PKNOX2: variants seen among roughly 807,000 people sequenced by gnomAD.
PKNOX2 encodes the protein homeobox protein PKNOX2.
In PKNOX2, 14 loss-of-function variants were observed where a neutral mutation model predicts 53.1. The ratio of observed to expected loss-of-function variants is 0.26; its 90% CI spans 0.17 to 0.41. PKNOX2 has a LOEUF of 0.41. PKNOX2 is among the 10% of genes least tolerant of loss of function. PKNOX2 has a pLI of 1.00. For synonymous variants in PKNOX2, 257 were observed against 242.8 expected (o/e 1.06, Z -0.54); for missense variants, 496 against 602.8 (o/e 0.82, Z 1.85).
intron 1 of PKNOX2, among the ~76,000 whole-genome samples, chr11:125,230,778 T>C (rs1218899832): frequency 2.6e-5 from 4 of 152,196 alleles, no homozygotes; most frequent in African/African-American, 9.6e-5. Flanking sequence ...TAATATGTCC[T>C]AGGCATTGCA....
intron 3 of PKNOX2, among the ~76,000 whole-genome samples, chr11:125,336,433 G>C (rs1950434003): frequency 6.6e-6 from 1 of 151,182 alleles, no homozygotes; most frequent in Admixed American, 6.6e-5. Context: ...ACTTTGATAA[G>C]TTTTTATCAA....
intron 1 of PKNOX2, among the ~76,000 whole-genome samples, chr11:125,195,192 A>G (rs1172862460): frequency 6.6e-6 from 1 of 152,064 alleles, no homozygotes. Context: ...ACCCCACCTA[A>G]ACTTACCTTT....
intron 2 of PKNOX2, among the ~76,000 whole-genome samples, chr11:125,308,507 C>T (rs10893366): frequency 0.21 from 32,375 of 152,092 alleles, 3,935 homozygotes; most frequent in East Asian, 0.51. Flanking sequence ...ATGATCTCTC[C>T]CAAGAGCAGC....
At chr11:125,237,790 A>G (rs1942836073) in intron 2 of PKNOX2, among the ~76,000 whole-genome samples, 1 of 152,190 alleles carries the variant, frequency 6.6e-6, no homozygotes, top group South Asian at 2.1e-4. Flanking sequence ...TGTAACCCAC[A>G]GCTTCAAGTG....
In PKNOX2 at chr11:125,340,519, G is replaced by A. The variant is rs185526799; in HGVS notation, c.-23+8594G>A. Among the ~76,000 whole-genome samples the A allele has an allele frequency of 6.8e-3, 1,037 of 152,282 alleles. 13 individuals carry two copies. Among genetic ancestry groups the A allele is most frequent in the African/African-American group, 0.023 (948 of 41,540 alleles). ...TGCTCACCCACGAATGGGAACAACC[G>A]TAATGCCGACACCATCTGGTTGTTA... On this transcript the variant is annotated intron_variant, in intron 3 of 12. Transcript: ENST00000298282.
chr11:125,198,991 C>G (rs1481298277), intron 1 of PKNOX2, among the ~76,000 whole-genome samples: 1 of 152,120 alleles, frequency 6.6e-6, no homozygotes, highest in Non-Finnish European at 1.5e-5. Context: ...CAGATACCCA[C>G]TACTATGCCT....
intron 2 of PKNOX2, among the ~76,000 whole-genome samples, chr11:125,244,352 C>T (rs1038956092): frequency 4.6e-5 from 7 of 152,154 alleles, no homozygotes; most frequent in Non-Finnish European, 8.8e-5. Flanking sequence ...TGCCTGTTGC[C>T]GACCTCTAGA....
chr11:125,222,620 T>TGC (rs200586038), intron 1 of PKNOX2, among the ~76,000 whole-genome samples: 3 of 147,758 alleles, frequency 2.0e-5, no homozygotes, highest in Non-Finnish European at 3.0e-5. Context: ...TGTATGTGTG[T>TGC]GTATGTGTGT....
At chr11:125,343,485 T>C (rs773478163) in intron 3 of PKNOX2, among the ~76,000 whole-genome samples, 18 of 152,110 alleles carry the variant, frequency 1.2e-4, no homozygotes, top group Non-Finnish European at 1.8e-4. Flanking sequence ...AGAATCTTCA[T>C]CAAAATGCTA....
At chr11:125,223,194 G>A (rs1941388565) in intron 1 of PKNOX2, among the ~76,000 whole-genome samples, 1 of 150,980 alleles carries the variant, frequency 6.6e-6, no homozygotes, top group Non-Finnish European at 1.5e-5. Flanking sequence ...CCATACCTCA[G>A]TTTACCTTCT....
chr11:125,389,870 C>T (rs577008774), intron 6 of PKNOX2, among the ~76,000 whole-genome samples: 84 of 152,174 alleles, frequency 5.5e-4, no homozygotes, highest in African/African-American at 7.7e-4. Context: ...GGACAGATTA[C>T]GGCTGCCTGA....
At chr11:125,298,112 A>G (rs10466605) in intron 2 of PKNOX2, among the ~76,000 whole-genome samples, 27,782 of 152,158 alleles carry the variant, frequency 0.18, 2,835 homozygotes, top group African/African-American at 0.26. Context: ...TCGGTTGAGT[A>G]GGCCAGGCTG....
rs762689601 is a variant in PKNOX2 at position 125,385,738 on chromosome 11, C to T, written c.399+16C>T. 1.2e-5 allele frequency: 19 copies of T among 1,611,084 alleles called. No homozygotes were observed. In the East Asian group the frequency reaches 3.6e-4, roughly 30 times the overall value. On this transcript the variant is annotated intron_variant, in intron 6 of 12. Transcript: ENST00000298282. The stretch of plus-strand genomic sequence containing the variant: ...GGACAATCTGGTAAAGACCCTCCAC[C>T]CTCTACCCTGGCTAGAGTCTTCCTA...
chr11:125,228,739 C>T (rs964177061), intron 1 of PKNOX2, among the ~76,000 whole-genome samples: 8 of 152,130 alleles, frequency 5.3e-5, no homozygotes, highest in East Asian at 1.9e-4. Context: ...ATTAGAGTTT[C>T]GGAGCCAGGA....
intron 5 of PKNOX2, among the ~76,000 whole-genome samples, chr11:125,374,130 G>A (rs1156477162): frequency 6.6e-6 from 1 of 152,186 alleles, no homozygotes; most frequent in Admixed American, 6.5e-5. Flanking sequence ...ACCAAAGAGT[G>A]TTCTGGCTCC....
At chr11:125,227,795 G>A (rs1374628584) in intron 1 of PKNOX2, among the ~76,000 whole-genome samples, 1 of 152,182 alleles carries the variant, frequency 6.6e-6, no homozygotes, top group African/African-American at 2.4e-5. Context: ...ATTTTCTGCT[G>A]TCCCTTAAGT....
At chr11:125,380,062 G>A (rs528110782) in intron 5 of PKNOX2, among the ~76,000 whole-genome samples, 4 of 152,314 alleles carry the variant, frequency 2.6e-5, no homozygotes, top group South Asian at 2.1e-4. Flanking sequence ...TGTTATTCGC[G>A]ATCATCTCTT....
chr11:125,293,734 C>CGT (rs1947460199), intron 2 of PKNOX2, among the ~76,000 whole-genome samples: 1 of 151,746 alleles, frequency 6.6e-6, no homozygotes, highest in Admixed American at 6.6e-5. Context: ...GACACTAACA[C>CGT]ACACACTCAC....
chr11:125,226,609 A>C (rs554723734), intron 1 of PKNOX2, among the ~76,000 whole-genome samples: 1 of 151,638 alleles, frequency 6.6e-6, no homozygotes, highest in Non-Finnish European at 1.5e-5. Flanking sequence ...TAGGTGCCCA[A>C]ATCCTCTCAT....
Sources: allele counts gnomAD v4.1 joint callset (sites outside exome capture counted in the v4.1 genomes callset), GRCh38; gene constraint gnomAD v4.1.1; transcripts MANE v1.5; gene names NCBI Gene and HGNC (gene_info 2026-07-23, HGNC 2026-07-21).